SHTN1: variants seen among roughly 807,000 people sequenced by gnomAD.
SHTN1 encodes the protein shootin 1.
In SHTN1, 42 loss-of-function variants were observed where a neutral mutation model predicts 83.1. The observed-to-expected ratio is 0.51, with a 90% CI of 0.39 to 0.65. SHTN1 has a LOEUF of 0.65. Among genes scored for constraint, SHTN1 ranks in the 30% least tolerant of loss-of-function variants. SHTN1 has a pLI of 0.00. For synonymous variants in SHTN1, 224 were observed against 247.7 expected (o/e 0.90, Z 0.90); for missense variants, 622 against 737.8 (o/e 0.84, Z 1.82).
At chr10:116,920,145 C>T (rs986985880) in intron 12 of SHTN1, among the ~76,000 whole-genome samples, 55 of 152,124 alleles carry the variant, frequency 3.6e-4, no homozygotes, top group African/African-American at 1.3e-3. Flanking sequence ...TAATGAGCTA[C>T]TCATTACCAT....
rs559787213 is a variant in SHTN1, at chr10:116,958,541, C to A, written c.267+1595G>T. On this transcript the variant is annotated intron_variant, in intron 4 of 16. Transcript: ENST00000355371. The stretch of plus-strand genomic sequence containing the variant: ...AGCAATGAATATAACAGTCACCAGG[C>A]AGCTTTTCTACATGCACATGCCTGG... 3.9e-5 allele frequency among the ~76,000 whole-genome samples: 6 copies of A among 152,234 alleles called. No homozygotes were observed. The South Asian group carries it at 1.2e-3, about 32-fold the overall frequency.
chr10:117,005,962 C>G (rs1290828896), upstream of SHTN1, among the ~76,000 whole-genome samples: 1 of 152,182 alleles, frequency 6.6e-6, no homozygotes, highest in African/African-American at 2.4e-5. Flanking sequence ...GCAGTTAAGC[C>G]AAGCGTTTGT....
intron 2 of SHTN1, among the ~76,000 whole-genome samples, chr10:117,011,918 A>C (rs956681613): frequency 1.3e-5 from 2 of 152,260 alleles, no homozygotes; most frequent in African/African-American, 2.4e-5. Flanking sequence ...AGGAGGGCGG[A>C]TCACGAAGTC....
At chr10:117,018,470 C>G (rs376766737) in intron 2 of SHTN1, among the ~76,000 whole-genome samples, 3 of 146,144 alleles carry the variant, frequency 2.1e-5, no homozygotes, top group Non-Finnish European at 4.5e-5. Flanking sequence ...AGAAGGGAAT[C>G]TACTCAATCT....
At chr10:116,966,030 C>T (rs190784404) in intron 3 of SHTN1, among the ~76,000 whole-genome samples, 10 of 152,066 alleles carry the variant, frequency 6.6e-5, no homozygotes, top group South Asian at 6.2e-4. Flanking sequence ...TTTTTTGAGA[C>T]GGAGTCTCAC....
At chr10:116,955,886 G>C (rs560196593) in intron 4 of SHTN1, among the ~76,000 whole-genome samples, 11 of 152,188 alleles carry the variant, frequency 7.2e-5, no homozygotes, top group Non-Finnish European at 1.5e-4. Context: ...ATTACATTAG[G>C]AGATCAAGAT....
intron 16 of SHTN1, among the ~76,000 whole-genome samples, chr10:116,894,085 A>AT (rs1416937894): frequency 4.6e-5 from 7 of 152,048 alleles, no homozygotes; most frequent in African/African-American, 9.7e-5. Flanking sequence ...AGGCAATTAG[A>AT]TTTTTTTTCT....
chr10:117,114,040 C>T (rs1006757195), intron 1 of SHTN1, among the ~76,000 whole-genome samples: 5 of 152,048 alleles, frequency 3.3e-5, no homozygotes, highest in Admixed American at 2.6e-4. Context: ...GAGCGAGACT[C>T]CGTCTCAAAA....
Position 117,051,999 on chromosome 10 carries a change from C to CATAT in SHTN1, c.-188-3493_-188-3490dup, listed in dbSNP as rs71013635. Among the ~76,000 whole-genome samples, 69 of 34,118 alleles carry CATAT rather than the reference C, an allele frequency of 2.0e-3. 7 individuals are homozygous for CATAT. Among genetic ancestry groups the CATAT allele is most frequent in the Admixed American group, 5.1e-3 (13 of 2,556 alleles). The allele number at this position is 34,118 out of a possible 152,430, so 22.4% of individuals were successfully genotyped here. On this transcript the variant is annotated intron_variant, in intron 1 of 17. Transcript: ENST00000392901. The stretch of plus-strand genomic sequence containing the variant: ...TACCTTTATTTTCAAATGACATAAT[C>CATAT]ATATATATATATATATATATATAGA...
chr10:117,039,845 T>G (rs1427939543), intron 2 of SHTN1, among the ~76,000 whole-genome samples: 2 of 92,390 alleles, frequency 2.2e-5, no homozygotes, highest in Non-Finnish European at 5.3e-5. Flanking sequence ...AGAGTGAGAC[T>G]CCATCAAAAA....
chr10:117,058,956 A>T (rs1161315245), intron 1 of SHTN1, among the ~76,000 whole-genome samples: 1 of 152,154 alleles, frequency 6.6e-6, no homozygotes, highest in African/African-American at 2.4e-5. Flanking sequence ...GACAAAGTAG[A>T]ATGTGGTTGC....
intron 2 of SHTN1, among the ~76,000 whole-genome samples, chr10:116,973,080 T>C (rs543938958): frequency 2.0e-5 from 3 of 152,274 alleles, no homozygotes; most frequent in Admixed American, 6.5e-5. Flanking sequence ...CTCCCTAAAA[T>C]GGGCAGCTCA....
intron 2 of SHTN1, among the ~76,000 whole-genome samples, chr10:117,038,550 T>C (rs1852536223): frequency 6.6e-6 from 1 of 151,912 alleles, no homozygotes; most frequent in Non-Finnish European, 1.5e-5. Context: ...GTCAAGAGAA[T>C]GAAAACAAGA....
At chr10:117,109,552 A>ATTTTTTTTT (rs1564962314) in intron 1 of SHTN1, among the ~76,000 whole-genome samples, 8 of 16,556 alleles carry the variant, frequency 4.8e-4, no homozygotes, top group East Asian at 1.5e-3. Flanking sequence ...AACATATATT[A>ATTTTTTTTT]CTTTTTTTTT....
intron 1 of SHTN1, among the ~76,000 whole-genome samples, chr10:117,086,761 G>A (rs761365965): frequency 4.6e-5 from 7 of 152,206 alleles, no homozygotes; most frequent in Non-Finnish European, 8.8e-5. Flanking sequence ...GTGTATACCC[G>A]AAAGAATTGA....
chr10:116,993,008 C>CTTTTTTTTTT (rs1182027280), intron 1 of SHTN1, among the ~76,000 whole-genome samples: 1 of 53,708 alleles, frequency 1.9e-5, no homozygotes. Context: ...TCTTTTCTTT[C>CTTTTTTTTTT]TTTTTTTTCT....
chr10:117,124,429 C>G (rs1429182956), intron 1 of SHTN1, among the ~76,000 whole-genome samples: 2 of 152,106 alleles, frequency 1.3e-5, no homozygotes, highest in Non-Finnish European at 2.9e-5. Flanking sequence ...AAATTATAAT[C>G]CCTTCACTGA....
intron 1 of SHTN1, among the ~76,000 whole-genome samples, chr10:117,099,042 AC>A (rs1213031005): frequency 5.3e-5 from 8 of 150,916 alleles, no homozygotes; most frequent in Middle Eastern, 3.4e-3. Flanking sequence ...ACACACACAC[AC>A]ACCATAAAAA....
At chr10:116,935,101 C>T (rs967383168) in intron 9 of SHTN1, among the ~76,000 whole-genome samples, 2 of 152,196 alleles carry the variant, frequency 1.3e-5, no homozygotes, top group Admixed American at 1.3e-4. Flanking sequence ...ACAATCATGT[C>T]ATCTGCAAAC....
Sources: allele counts gnomAD v4.1 joint callset (sites outside exome capture counted in the v4.1 genomes callset), GRCh38; gene constraint gnomAD v4.1.1; transcripts MANE v1.5; gene names NCBI Gene and HGNC (gene_info 2026-07-23, HGNC 2026-07-21).